LINGO2: variants seen among roughly 807,000 people sequenced by gnomAD.
The protein encoded by LINGO2 is leucine rich repeat and Ig domain containing 2.
Under a neutral mutation model 30.6 loss-of-function variants are expected in LINGO2, and 14 were observed. The ratio of observed to expected loss-of-function variants is 0.46; its 90% CI spans 0.30 to 0.72. The LOEUF (loss-of-function observed/expected upper bound fraction) is 0.72. Among genes scored for constraint, LINGO2 ranks in the 30% least tolerant of loss-of-function variants. The pLI, the probability that LINGO2 is intolerant of heterozygous loss-of-function variation, is 0.07. For synonymous variants in LINGO2, 317 were observed against 288.5 expected (o/e 1.10, Z -1.00); for missense variants, 729 against 751.7 (o/e 0.97, Z 0.35).
exon 6 of LINGO2, chr9:27,950,170 T>C (rs1819217866): frequency 2.5e-6 from 4 of 1,614,086 alleles, no homozygotes; most frequent in East Asian, 2.2e-5. Flanking sequence ...CTGTGTGATA[T>C]ATAAACCAAA....
intron 4 of LINGO2, among the ~76,000 whole-genome samples, chr9:28,181,620 G>C (rs1234336561): frequency 5.9e-5 from 9 of 152,134 alleles, no homozygotes; most frequent in Admixed American, 3.9e-4. Flanking sequence ...GAAGCCTAAT[G>C]AAATGTTTTC....
chr9:28,312,070 T>G (rs1824644671), intron 3 of LINGO2, among the ~76,000 whole-genome samples: 1 of 152,174 alleles, frequency 6.6e-6, no homozygotes, highest in Non-Finnish European at 1.5e-5. Flanking sequence ...CAAGTAAGGC[T>G]TCTTCTGAAA....
chr9:28,123,907 C>T (rs550780024), intron 4 of LINGO2, among the ~76,000 whole-genome samples: 1 of 152,142 alleles, frequency 6.6e-6, no homozygotes, highest in Non-Finnish European at 1.5e-5. Context: ...ACCTCATGAT[C>T]CACTCACCTT....
chr9:28,271,069 C>T (rs904675804), intron 4 of LINGO2, among the ~76,000 whole-genome samples: 4 of 151,948 alleles, frequency 2.6e-5, no homozygotes, highest in African/African-American at 9.7e-5. Flanking sequence ...GCAACCCATA[C>T]ATTCCTGTGA....
At chr9:28,909,440 AT>A in the LINGO2 span, among the ~76,000 whole-genome samples, 1 of 151,956 alleles carries the variant, frequency 6.6e-6, no homozygotes, top group Non-Finnish European at 1.5e-5. Context: ...CACATTAGTA[AT>A]AGGTTTTTTA....
At chr9:28,449,052 T>TGTGTGC (rs1478516124) in intron 2 of LINGO2, among the ~76,000 whole-genome samples, 1 of 151,520 alleles carries the variant, frequency 6.6e-6, no homozygotes, top group Non-Finnish European at 1.5e-5. Flanking sequence ...TGTGTGTGTG[T>TGTGTGC]GTGTGTGTGT....
the LINGO2 span, among the ~76,000 whole-genome samples, chr9:29,207,748 G>A: frequency 6.6e-6 from 1 of 151,956 alleles, no homozygotes; most frequent in African/African-American, 2.4e-5. Flanking sequence ...GAAGGAAATG[G>A]TATTTAACTT....
chr9:28,513,580 T>C (rs1820501390), intron 1 of LINGO2, among the ~76,000 whole-genome samples: 1 of 152,142 alleles, frequency 6.6e-6, no homozygotes, highest in East Asian at 1.9e-4. Context: ...ATGAGATAGT[T>C]TGTTAGAAAT....
chr9:28,172,346 C>G (rs1024989968), intron 4 of LINGO2, among the ~76,000 whole-genome samples: 2 of 149,464 alleles, frequency 1.3e-5, no homozygotes, highest in Non-Finnish European at 1.5e-5. Context: ...AGCCGAGATC[C>G]CGCCACTGCA....
chr9:29,059,416 A>AAAATAAATAAAT, the LINGO2 span, among the ~76,000 whole-genome samples: 1 of 150,248 alleles, frequency 6.7e-6, no homozygotes, highest in East Asian at 1.9e-4. Flanking sequence ...TTAAAATTAA[A>AAAATAAATAAAT]AAATAAATAA....
chr9:28,555,428 T>C (rs1423142675), intron 1 of LINGO2, among the ~76,000 whole-genome samples: 1 of 150,944 alleles, frequency 6.6e-6, no homozygotes, highest in Non-Finnish European at 1.5e-5. Flanking sequence ...ACACATACAC[T>C]CTCCCAAGAC....
chr9:28,108,878 T>C (rs1279230084), intron 4 of LINGO2, among the ~76,000 whole-genome samples: 1 of 152,098 alleles, frequency 6.6e-6, no homozygotes, highest in Non-Finnish European at 1.5e-5. Flanking sequence ...ATTTCATACA[T>C]GGAGATTAGA....
intron 4 of LINGO2, among the ~76,000 whole-genome samples, chr9:28,274,083 T>G (rs1410750153): frequency 6.6e-6 from 1 of 152,164 alleles, no homozygotes; most frequent in Non-Finnish European, 1.5e-5. Context: ...AATGGAGTTA[T>G]AATTAATATT....
chr9:28,569,562 G>T (rs899663341), intron 1 of LINGO2, among the ~76,000 whole-genome samples: 1 of 148,704 alleles, frequency 6.7e-6, no homozygotes, highest in Admixed American at 6.8e-5. Flanking sequence ...TATCACTTAT[G>T]CATGAAACTT....
chr9:28,098,606 T>C (rs1453776385), intron 4 of LINGO2, among the ~76,000 whole-genome samples: 10 of 152,158 alleles, frequency 6.6e-5, no homozygotes, highest in Admixed American at 6.6e-4. Context: ...TCCTCTGTGT[T>C]ATTCTGATAT....
the LINGO2 span, among the ~76,000 whole-genome samples, chr9:28,922,174 C>T: frequency 6.6e-6 from 1 of 152,170 alleles, no homozygotes; most frequent in Non-Finnish European, 1.5e-5. Context: ...CTGCTTCTAG[C>T]TTTGACTTTC....
chr9:28,492,179 G>T lies in LINGO2; in HGVS notation c.-364-16154C>A, dbSNP rs183200165. ...GATGTTGCCAGGAATGCTCCACACA[G>T]AACTAAATTCCATTCGGTGTTGTGT... is the stretch of plus-strand genomic sequence containing the variant. On this transcript the variant is annotated intron_variant, in intron 1 of 5. Coordinates refer to ENST00000379992, the Ensembl canonical transcript of LINGO2. Among the ~76,000 whole-genome samples, 6 of 152,266 alleles carry T rather than the reference G, an allele frequency of 3.9e-5. No homozygotes were observed. In the East Asian group the frequency reaches 9.7e-4, roughly 25 times the overall value.
chr9:28,412,635 T>C (rs1052219561), intron 2 of LINGO2, among the ~76,000 whole-genome samples: 1 of 152,058 alleles, frequency 6.6e-6, no homozygotes, highest in Non-Finnish European at 1.5e-5. Context: ...ATTATAAATC[T>C]GAAAATAAAA....
At chr9:29,186,317 CA>C in the LINGO2 span, among the ~76,000 whole-genome samples, 52,543 of 151,536 alleles carry the variant, frequency 0.35, 10,889 homozygotes, top group Admixed American at 0.49. Flanking sequence ...TTTATGTCAC[CA>C]AAAAAATAAA....
Sources: gnomAD v4.1 joint callset for allele counts (sites outside exome capture counted in the v4.1 genomes callset) on GRCh38, gnomAD v4.1.1 for gene constraint, MANE v1.5 for transcripts, NCBI Gene and HGNC (gene_info 2026-07-23, HGNC 2026-07-21) for gene names.